The following SETBP1 variants were observed in gnomAD, a reference collection of about 807,000 sequenced individuals.
SETBP1 encodes SET binding protein 1.
Under a neutral mutation model 101.0 loss-of-function variants are expected in SETBP1, and 9 were observed. The ratio of observed to expected loss-of-function variants is 0.09; its 90% CI spans 0.05 to 0.16. The LOEUF is 0.16. Ranked by LOEUF, SETBP1 falls within the 10% of genes least tolerant of loss-of-function variation. The pLI is 1.00. For synonymous variants in SETBP1, 818 were observed against 788.5 expected, an observed-to-expected ratio of 1.04 and a Z score of -0.63; for missense variants, 1,858 against 2,033.8, an observed-to-expected ratio of 0.91 and a Z score of 1.66.
Position 44,952,776 on chromosome 18 carries a change from C to G in SETBP1, c.3436C>G (p.Arg1146Gly). 1.2e-6 allele frequency: 2 copies of G among 1,614,062 alleles called. No individual in the cohort carries two copies. Among genetic ancestry groups the G allele is most frequent in the South Asian group, 1.1e-5 (1 of 91,066 alleles). Reference protein sequence around the residue: ...KVGSASLSSGRLHKRKHKHKH... With the variant: ...KVGSASLSSGGLHKRKHKHKH... ...AGGCAGTGCCAGTCTGTCCAGTGGTCGGCTCCATAAGAGGAAACACAAACA... is the reference window on the plus strand; with the variant it reads ...AGGCAGTGCCAGTCTGTCCAGTGGTGGGCTCCATAAGAGGAAACACAAACA... Residue 1146 changes from arginine to glycine, a missense_variant, in exon 4 of 6, where the codon CGG (arginine) becomes GGG (glycine). By Grantham distance (125) the Arg-to-Gly change is moderately radical (BLOSUM62 -2). This residue lies in a region of SETBP1 where 417 missense variants were observed against 389.1 expected (regional missense o/e 1.07). Transcript: ENST00000649279.
At chr18:44,821,967 A>T (rs1168691606) in intron 2 of SETBP1, among the ~76,000 whole-genome samples, 1 of 152,202 alleles carries the variant, frequency 6.6e-6, no homozygotes, top group Non-Finnish European at 1.5e-5. Flanking sequence ...GGAAGGCAGA[A>T]GGGGCTGGGG....
At position 44,804,712 on chromosome 18, in the gene SETBP1, A is replaced by C. The variant is rs146346646; in HGVS notation, c.487-64518A>C. 2.6e-5 allele frequency among the ~76,000 whole-genome samples: 4 copies of C among 152,236 alleles called. No individual in the cohort carries two copies. The East Asian group carries it at 7.7e-4, about 29-fold the overall frequency. ...ATGGTTCAACTTGCCCCAAGCACAC[A>C]AACAGAGAACTTGAGTATTATAAAG... On this transcript the variant is annotated intron_variant, in intron 2 of 5. Transcript: ENST00000649279.
intron 3 of SETBP1, among the ~76,000 whole-genome samples, chr18:44,874,661 A>C (rs1025294181): frequency 5.9e-5 from 9 of 152,230 alleles, no homozygotes; most frequent in African/African-American, 2.2e-4. Context: ...TGCAGTGTTC[A>C]TTCCTGGAGG....
At position 44,707,429 on chromosome 18, in the gene SETBP1, T is replaced by G. The variant is rs534220694; in HGVS notation, c.486+5597T>G. On this transcript the variant is annotated intron_variant, in intron 2 of 5. Coordinates refer to ENST00000649279, the MANE Select transcript of SETBP1 (RefSeq NM_015559.3). Reference sequence around the variant, plus strand: ...AAATACAACTTCTATTTCATTTCTTTGGATTTAATTTTTCCTCCTCTCCAG... The same window carrying G: ...AAATACAACTTCTATTTCATTTCTTGGGATTTAATTTTTCCTCCTCTCCAG... Among the ~76,000 whole-genome samples, 21 of 152,368 alleles carry G rather than the reference T, an allele frequency of 1.4e-4. 1 individual carries two copies. Among genetic ancestry groups the G allele is most frequent in the Admixed American group, 6.5e-4 (10 of 15,312 alleles).
chr18:44,966,702 G>T (rs371863934), intron 4 of SETBP1, among the ~76,000 whole-genome samples: 1 of 152,130 alleles, frequency 6.6e-6, no homozygotes, highest in Non-Finnish European at 1.5e-5. Flanking sequence ...GCTTTAAGAA[G>T]CACTAACTTA....
At chr18:44,774,800 C>T (rs538605443) in intron 2 of SETBP1, among the ~76,000 whole-genome samples, 5 of 152,172 alleles carry the variant, frequency 3.3e-5, no homozygotes, top group East Asian at 3.9e-4. Flanking sequence ...CATATACTGT[C>T]GACCCTCATT....
intron 3 of SETBP1, among the ~76,000 whole-genome samples, chr18:44,926,163 G>A (rs1336744743): frequency 6.6e-6 from 1 of 152,096 alleles, no homozygotes; most frequent in Non-Finnish European, 1.5e-5. Context: ...TGAACTCTGG[G>A]TTCAAGTGAT....
Position 45,064,592 on chromosome 18 carries a change from C to T in SETBP1, c.*894C>T, listed in dbSNP as rs1226396892. The T allele has an allele frequency of 6.6e-6, 1 of 151,848 alleles. No homozygotes were observed. Among genetic ancestry groups the T allele is most frequent in the Non-Finnish European group, 1.5e-5 (1 of 67,972 alleles). The allele number at this position is 151,848 out of a possible 1,614,324, so 9.4% of individuals were successfully genotyped here. A position where few individuals can be genotyped will look rare whatever the true frequency, so the allele number is the denominator to read the frequency against. On this transcript the variant is annotated 3_prime_UTR_variant, in exon 6 of 6. Transcript: ENST00000649279. The stretch of plus-strand genomic sequence containing the variant: ...CTTTTTAATAAGTGATGCAGAGCAG[C>T]CAAGGATATGTTGACCCAGATGTCA...
intron 2 of SETBP1, among the ~76,000 whole-genome samples, chr18:44,747,717 A>C (rs2070289719): frequency 6.6e-6 from 1 of 152,262 alleles, no homozygotes; most frequent in Admixed American, 6.5e-5. Flanking sequence ...AGGTCAAAAA[A>C]ATTCTCTGAG....
At chr18:45,037,851 C>T (rs1039743924) in intron 4 of SETBP1, among the ~76,000 whole-genome samples, 8 of 152,160 alleles carry the variant, frequency 5.3e-5, no homozygotes, top group Admixed American at 1.3e-4. Context: ...CTTCCACCTC[C>T]GGCATGCTGG....
Position 44,812,981 on chromosome 18 carries a change from G to A in SETBP1, c.487-56249G>A, listed in dbSNP as rs531301462. Among the ~76,000 whole-genome samples the A allele has an allele frequency of 2.3e-4, 35 of 152,060 alleles. No individual in the cohort carries two copies. The South Asian group carries it at 7.3e-3, about 32-fold the overall frequency. The stretch of plus-strand genomic sequence containing the variant: ...TGGGTGACATCAGAGGTCTCTTTGG[G>A]GCCACATCAGTGACATGTTCATTCT... On this transcript the variant is annotated intron_variant, in intron 2 of 5. Transcript: ENST00000649279.
At chr18:44,749,659 C>T (rs1205870305) in intron 2 of SETBP1, among the ~76,000 whole-genome samples, 1 of 152,106 alleles carries the variant, frequency 6.6e-6, no homozygotes, top group Non-Finnish European at 1.5e-5. Flanking sequence ...TGCATACAGA[C>T]ATACATATGA....
Position 44,880,647 on chromosome 18 carries a change from C to A in SETBP1, c.540+11364C>A, listed in dbSNP as rs575981075. Among the ~76,000 whole-genome samples, 8 of 152,262 alleles carry A rather than the reference C, an allele frequency of 5.3e-5. No individual in the cohort carries two copies. In the South Asian group the frequency reaches 1.7e-3, roughly 32 times the overall value. On this transcript the variant is annotated intron_variant, in intron 3 of 5. Transcript: ENST00000649279. ...GGGGAGGCCTCAGGGAGTTTACAAT[C>A]GTGGCCGAAGGTAAAGGGAAAGCAG...
Position 44,952,397 on chromosome 18 carries a change from T to C in SETBP1, c.3057T>C (p.Arg1019=), listed in dbSNP as rs1452876886. 4 of 1,614,146 alleles carry C rather than the reference T, an allele frequency of 2.5e-6. No homozygotes were observed. The highest frequency in any genetic ancestry group is 3.4e-6 in the Non-Finnish European group (4 of 1,180,040). The part of the protein sequence containing the change: ...RTSDLKSKKK[R]GRPAKTNDTM... ...CAGACTTGAAGTCAAAGAAGAAGCGTGGTAGGCCTGCAAAAACCAATGACA... is the reference window on the plus strand; with the variant it reads ...CAGACTTGAAGTCAAAGAAGAAGCGCGGTAGGCCTGCAAAAACCAATGACA... The change falls in exon 4 of 6, where the codon CGT becomes CGC. Residue 1019 remains arginine, a synonymous_variant. Coordinates refer to ENST00000649279, the MANE Select transcript of SETBP1 (RefSeq NM_015559.3).
Position 44,952,815 on chromosome 18 carries a change from A to G in SETBP1, c.3475A>G (p.Lys1159Glu), listed in dbSNP as rs1391340328. The change falls in exon 4 of 6, where the codon AAG becomes GAG. Residue 1159 changes from lysine to glutamate, a missense_variant. Physicochemically the swap from Lys to Glu is moderately conservative, Grantham distance 56. This residue lies in a region of SETBP1 where 417 missense variants were observed against 389.1 expected (regional missense o/e 1.07). Transcript: ENST00000649279. ...KRKHKHKHKH[K>E]EDRILGTHDN... is the part of the protein sequence containing the mutation. ...GAAACACAAACACAAGCATAAGCAC[A>G]AGGAAGACCGGATCCTAGGGACCCA... 3.1e-6 allele frequency: 5 copies of G among 1,614,080 alleles called. No homozygotes were observed. The highest frequency in any genetic ancestry group is 4.2e-6 in the Non-Finnish European group (5 of 1,180,024).
intron 4 of SETBP1, among the ~76,000 whole-genome samples, chr18:44,990,099 TATC>T (rs1377543698): frequency 1.3e-5 from 2 of 151,876 alleles, no homozygotes; most frequent in East Asian, 3.9e-4. Context: ...TCCAGAGCAA[TATC>T]ATCTTTCAAA....
chr18:44,691,969 T>G (rs1184054034), intron 1 of SETBP1, among the ~76,000 whole-genome samples: 2 of 152,242 alleles, frequency 1.3e-5, no homozygotes, highest in Non-Finnish European at 2.9e-5. Flanking sequence ...AATTCCTGAC[T>G]GTACCCAGTA....
At chr18:44,908,668 C>T (rs1239814686) in intron 3 of SETBP1, among the ~76,000 whole-genome samples, 1 of 152,058 alleles carries the variant, frequency 6.6e-6, no homozygotes, top group African/African-American at 2.4e-5. Context: ...TTTGGCTATT[C>T]TAGGTCCATG....
At chr18:45,038,735 T>C in intron 5 of SETBP1, 80 bp downstream of exon 5, 7 of 1,466,858 alleles carry the variant, frequency 4.8e-6, no homozygotes, top group Non-Finnish European at 9.5e-7. Flanking sequence ...GCCTGTTGAA[T>C]ACAGGTAAGA....
Sources: gnomAD v4.1 joint callset for allele counts (sites outside exome capture counted in the v4.1 genomes callset) on GRCh38, gnomAD v4.1.1 for gene constraint, gnomAD v4.1.1 regional missense constraint, MANE v1.5 for transcripts, NCBI Gene and HGNC (gene_info 2026-07-23, HGNC 2026-07-21) for gene names.